ARPC1A: variants seen among roughly 807,000 people sequenced by gnomAD.
The protein encoded by ARPC1A is actin-related protein 2/3 complex subunit 1A.
Under a neutral mutation model 46.9 loss-of-function variants are expected in ARPC1A, and 8 were observed. The observed-to-expected ratio is 0.17, with a 90% CI of 0.10 to 0.31. The LOEUF is 0.31. Ranked by LOEUF, ARPC1A falls within the 10% of genes least tolerant of loss-of-function variation. ARPC1A has a pLI of 1.00. For synonymous variants in ARPC1A, 152 were observed against 169.0 expected (o/e 0.90, Z 0.78); for missense variants, 286 against 483.6 (o/e 0.59, Z 3.83).
chr7:99,365,246 T>G (rs931699967), intron 9 of ARPC1A, among the ~76,000 whole-genome samples: 2 of 151,028 alleles, frequency 1.3e-5, no homozygotes, highest in East Asian at 3.9e-4. Context: ...AGGCCAGGAG[T>G]TTTGAGACCA....
chr7:99,331,776 G>C (rs1168815302), intron 1 of ARPC1A, among the ~76,000 whole-genome samples: 2 of 152,034 alleles, frequency 1.3e-5, no homozygotes, highest in Non-Finnish European at 2.9e-5. Flanking sequence ...AAAATTAGCT[G>C]GGCCTGGTGG....
At chr7:99,342,093 T>A (rs1793365977) in intron 3 of ARPC1A, among the ~76,000 whole-genome samples, 1 of 152,222 alleles carries the variant, frequency 6.6e-6, no homozygotes, top group Non-Finnish European at 1.5e-5. Context: ...TGGAATAGTA[T>A]AATGAGCCTT....
intron 2 of ARPC1A, among the ~76,000 whole-genome samples, chr7:99,334,705 A>G (rs1793209582): frequency 1.3e-5 from 2 of 152,202 alleles, no homozygotes; most frequent in South Asian, 2.1e-4. Context: ...TTATTGAGAC[A>G]GAGTCTTGCT....
chr7:99,349,391 T>G (rs1353852323), intron 5 of ARPC1A, among the ~76,000 whole-genome samples: 1 of 151,824 alleles, frequency 6.6e-6, no homozygotes, highest in Admixed American at 6.6e-5. Flanking sequence ...TGCAAGGTAC[T>G]GCGCTAGGCA....
intron 4 of ARPC1A, 76 bp from the exon 5 acceptor site, chr7:99,348,776 C>T (rs1275111517): frequency 3.6e-6 from 4 of 1,115,216 alleles, no homozygotes; most frequent in Non-Finnish European, 5.2e-6. Flanking sequence ...TAGGTATTTT[C>T]ACCTGACATA....
intron 9 of ARPC1A, among the ~76,000 whole-genome samples, chr7:99,364,752 C>A (rs979703714): frequency 2.0e-5 from 3 of 152,066 alleles, no homozygotes; most frequent in Non-Finnish European, 4.4e-5. Flanking sequence ...ATAGCTGACA[C>A]TAATTAATTT....
At position 99,344,210 on chromosome 7, in the gene ARPC1A, G is replaced by A. The variant is rs1403084100; in HGVS notation, c.170-83G>A. ...GGTCCCAAGACCACGTCTCATCCTGGCATGCCAGTGCCACCCACCTGCCTG... is the reference window on the plus strand; with the variant it reads ...GGTCCCAAGACCACGTCTCATCCTGACATGCCAGTGCCACCCACCTGCCTG... On this transcript the variant is annotated intron_variant, in intron 3 of 9. Transcript: ENST00000262942. 1.2e-5 allele frequency: 16 copies of A among 1,298,236 alleles called. No homozygotes were observed. In the East Asian group the frequency reaches 3.8e-4, roughly 31 times the overall value. The allele number at this position is 1,298,236 out of a possible 1,614,324, so 80.4% of individuals were successfully genotyped here. A position where few individuals can be genotyped will look rare whatever the true frequency, so the allele number is the denominator to read the frequency against.
At chr7:99,331,406 C>G (rs1202604533) in intron 1 of ARPC1A, among the ~76,000 whole-genome samples, 1 of 151,890 alleles carries the variant, frequency 6.6e-6, no homozygotes, top group Non-Finnish European at 1.5e-5. Context: ...CCCTGCCCCC[C>G]ACCCAAAAAA....
chr7:99,334,005 A>G (rs1272802347), intron 2 of ARPC1A, among the ~76,000 whole-genome samples: 8 of 102,190 alleles, frequency 7.8e-5, no homozygotes, highest in African/African-American at 2.6e-4. Flanking sequence ...GTGTGTGTGT[A>G]CACACACACA....
rs190896331 is a variant in ARPC1A at position 99,363,985 on chromosome 7, T to A, written c.1074+352T>A. ...TTTCTTTCTTTTTGAGATGGAGTCT[T>A]GTTCTGTCACCCAGGCTGCAGTGCA... On this transcript the variant is annotated intron_variant, in intron 9 of 9. Transcript: ENST00000262942. Among the ~76,000 whole-genome samples the A allele has an allele frequency of 2.0e-5, 3 of 152,344 alleles. No individual in the cohort carries two copies. In the East Asian group the frequency reaches 5.8e-4, roughly 29 times the overall value.
At chr7:99,329,029 G>A (rs1026238186) in intron 1 of ARPC1A, among the ~76,000 whole-genome samples, 1 of 151,858 alleles carries the variant, frequency 6.6e-6, no homozygotes. Flanking sequence ...GGCAGGGCGC[G>A]GTGGCTCACG....
intron 1 of ARPC1A, among the ~76,000 whole-genome samples, chr7:99,331,249 C>G (rs1793139193): frequency 6.6e-6 from 1 of 151,972 alleles, no homozygotes; most frequent in African/African-American, 2.4e-5. Flanking sequence ...ACAAAAATTA[C>G]CTGGGCTTGG....
chr7:99,365,090 G>A (rs781529511), intron 9 of ARPC1A, among the ~76,000 whole-genome samples: 4 of 152,166 alleles, frequency 2.6e-5, no homozygotes, highest in Non-Finnish European at 2.9e-5. Context: ...GCTTCAGAGA[G>A]CGCACACTGC....
chr7:99,330,888 G>A (rs1159598323), intron 1 of ARPC1A, among the ~76,000 whole-genome samples: 1 of 152,166 alleles, frequency 6.6e-6, no homozygotes, highest in African/African-American at 2.4e-5. Context: ...TTTGAAAAAT[G>A]TTCCCATTTC....
At chr7:99,362,678 G>C (rs981344238) in intron 8 of ARPC1A, among the ~76,000 whole-genome samples, 3 of 151,412 alleles carry the variant, frequency 2.0e-5, no homozygotes, top group Non-Finnish European at 4.4e-5. Context: ...CTCACAGGCT[G>C]TACGGGCATA....
intron 4 of ARPC1A, 66 bp from the exon 5 acceptor site, chr7:99,348,786 A>G (rs1234866341): frequency 1.6e-6 from 2 of 1,277,282 alleles, no homozygotes; most frequent in African/African-American, 3.0e-5. Flanking sequence ...CACCTGACAT[A>G]CATTTGTAGG....
chr7:99,333,062 A>AATTTTTGT (rs1793174723), intron 1 of ARPC1A, among the ~76,000 whole-genome samples: 1 of 151,846 alleles, frequency 6.6e-6, no homozygotes, highest in Non-Finnish European at 1.5e-5. Flanking sequence ...ACGCCCAGCT[A>AATTTTTGT]ATTTTTGTAT....
At chr7:99,353,685 G>A (rs1395518472) in intron 5 of ARPC1A, among the ~76,000 whole-genome samples, 1 of 150,498 alleles carries the variant, frequency 6.6e-6, no homozygotes, top group Non-Finnish European at 1.5e-5. Context: ...CTCCATGTTG[G>A]TCAGGCTGGT....
intron 1 of ARPC1A, among the ~76,000 whole-genome samples, chr7:99,332,413 G>T (rs11978345): frequency 0.083 from 12,590 of 152,136 alleles, 725 homozygotes; most frequent in African/African-American, 0.17. Flanking sequence ...GTGATTGCCA[G>T]ATTTCTTCAA....
Sources: allele counts gnomAD v4.1 joint callset (sites outside exome capture counted in the v4.1 genomes callset), GRCh38; gene constraint gnomAD v4.1.1; transcripts MANE v1.5; gene names NCBI Gene and HGNC (gene_info 2026-07-23, HGNC 2026-07-21).